The following FAM83H variants were observed in gnomAD, a reference collection of about 807,000 sequenced individuals.
FAM83H encodes the protein protein FAM83H.
Under a neutral mutation model 30.2 loss-of-function variants are expected in FAM83H, and 24 were observed. That is an observed-to-expected ratio of 0.79 (90% CI 0.57 to 1.12). The LOEUF (loss-of-function observed/expected upper bound fraction) is 1.12, where lower values mean the gene tolerates loss of function less well. FAM83H is among the 50% of genes most tolerant of loss of function. FAM83H has a pLI of 0.00. For synonymous variants in FAM83H, 1,013 were observed against 821.7 expected (o/e 1.23, Z -3.98); for missense variants, 2,038 against 1,773.9 (o/e 1.15, Z -2.67).
In FAM83H at chr8:143,728,605, G is replaced by T. The variant is rs782319680; in HGVS notation, c.856C>A (p.Pro286Thr). The change falls in exon 5 of 5, where the codon CCC becomes ACC. Residue 286 changes from proline (P) to threonine (T), a missense_variant. Transcript: ENST00000388913. The stretch of plus-strand genomic sequence containing the variant: ...ATGCGGGCCAGGGCCGCGGCCGAGG[G>T]CACAAGCGGCTCGGACTGCGCGAAG... ...ILFAQSEPLV[P>T]SAAALARMDA... 5 of 1,609,744 alleles carry T rather than the reference G, an allele frequency of 3.1e-6. No individual in the cohort carries two copies. The highest frequency in any genetic ancestry group is 4.2e-6 in the Non-Finnish European group (5 of 1,179,226).
Position 143,726,081 on chromosome 8 carries a change from C to T in FAM83H, c.3380G>A (p.Arg1127His), listed in dbSNP as rs781873197. The change falls in exon 5 of 5, where the codon CGC (arginine) becomes CAC (histidine). Residue 1127 changes from arginine to histidine, a missense_variant. Transcript: ENST00000388913. ...GCGGCTGTACACGCGCTTCTCCTTG[C>T]GCATGCTCTCCATGCGGCGCAGCAG... ...DRLLRRMESM[R>H]KEKRVYSRFE... 14 of 1,611,810 alleles carry T rather than the reference C, an allele frequency of 8.7e-6. No individual in the cohort carries two copies. The highest frequency in any genetic ancestry group is 1.2e-5 in the Non-Finnish European group (14 of 1,179,604).
chr8:143,726,385 C>G lies in FAM83H; in HGVS notation c.3076G>C (p.Ala1026Pro), dbSNP rs1185119858. Residue 1026 changes from alanine (A) to proline (P), a missense_variant, in exon 5 of 5, where the codon GCC becomes CCC. Transcript: ENST00000388913. The stretch of plus-strand genomic sequence containing the variant: ...CTGCTGTACAAGGCGTTGGCCGTGG[C>G]TGAGGACAGGCGCGCCCGCGGACCC... The part of the protein sequence containing the change: ...ERGPRARLSS[A>P]TANALYSSNL... 15 of 1,609,838 alleles carry G rather than the reference C, an allele frequency of 9.3e-6. No homozygotes were observed. Among genetic ancestry groups the G allele is most frequent in the East Asian group, 6.7e-5 (3 of 44,816 alleles).
At chr8:143,728,923 G>A in intron 4 of FAM83H, 44 bp downstream of exon 4, 2 of 1,612,608 alleles carry the variant, frequency 1.2e-6, no homozygotes, top group Non-Finnish European at 1.7e-6. Flanking sequence ...GGGGTTACAG[G>A]AGGAGGCCCC....
chr8:143,731,858 A>G (rs1818533948), intron 1 of FAM83H: 1 of 985,234 alleles, frequency 1.0e-6, no homozygotes, highest in African/African-American at 1.7e-5. Flanking sequence ...CTCTCCAGAA[A>G]GGTGTCAGAT....
rs1554621387 is a variant in FAM83H at position 143,725,803 on chromosome 8, G to A, written c.*118C>T. The A allele has an allele frequency of 5.3e-6, 8 of 1,521,542 alleles. No homozygotes were observed. The highest frequency in any genetic ancestry group is 1.4e-5 in the African/African-American group (1 of 72,200). 94.3% of individuals were successfully genotyped at this position (1,521,542 alleles called of 1,614,324 possible). A position where few individuals can be genotyped will look rare whatever the true frequency, so the allele number is the denominator to read the frequency against. On this transcript the variant is annotated 3_prime_UTR_variant, in exon 5 of 5. Transcript: ENST00000388913. ...TGGCGCACTCAGCCAAGCCCCAAGC[G>A]GCCGTGGCCTGACAGCCGCTGCTCA...
chr8:143,731,860 G>T, intron 1 of FAM83H: 1 of 985,226 alleles, frequency 1.0e-6, no homozygotes, highest in Non-Finnish European at 1.2e-6. Flanking sequence ...CTCCAGAAAG[G>T]TGTCAGATGG....
At position 143,727,531 on chromosome 8, in the gene FAM83H, C is replaced by G; in HGVS notation, c.1930G>C (p.Gly644Arg). 1.3e-6 allele frequency: 2 copies of G among 1,584,088 alleles called. No homozygotes were observed. Among genetic ancestry groups the G allele is most frequent in the Non-Finnish European group, 1.7e-6 (2 of 1,172,470 alleles). Residue 644 changes from glycine to arginine, a missense_variant, in exon 5 of 5, where the codon GGC becomes CGC. Coordinates refer to ENST00000388913, the MANE Select transcript of FAM83H (RefSeq NM_198488.5). ...GGGCCGTTGCCGCCGCTGCCCGGGC[C>G]TGGCACCGGGACCTTGGTGGGGAAG... ...AAFPTKVPVPGPGSGGNGPER... is the reference protein window; with the variant it reads ...AAFPTKVPVPRPGSGGNGPER...
chr8:143,729,742 TG>T (rs1404446829), intron 2 of FAM83H, among the ~76,000 whole-genome samples: 2 of 152,266 alleles, frequency 1.3e-5, no homozygotes, highest in Non-Finnish European at 2.9e-5. Context: ...CTTTAGCGTC[TG>T]GACCTCATGC....
chr8:143,725,169 G>C lies in FAM83H; in HGVS notation c.*752C>G, dbSNP rs1231271751. ...GGAGGGGGGAGACGGGGGGGGGGGG[G>C]GGGGAGGGAAGGAGGAGACCTTGAG... On this transcript the variant is annotated 3_prime_UTR_variant, in exon 5 of 5. Coordinates refer to ENST00000388913, the MANE Select transcript of FAM83H (RefSeq NM_198488.5). 3 of 132,616 alleles carry C rather than the reference G, an allele frequency of 2.3e-5. No individual in the cohort carries two copies. Among genetic ancestry groups the C allele is most frequent in the African/African-American group, 5.5e-5 (2 of 36,316 alleles). 8.2% of individuals were successfully genotyped at this position (132,616 alleles called of 1,614,324 possible). A position where few individuals can be genotyped will look rare whatever the true frequency, so the allele number is the denominator to read the frequency against.
At chr8:143,730,774 C>T (rs1416629150) in intron 1 of FAM83H, among the ~76,000 whole-genome samples, 177 bp from the exon 2 acceptor site, 1 of 152,124 alleles carries the variant, frequency 6.6e-6, no homozygotes, top group African/African-American at 2.4e-5. Flanking sequence ...GCAACCCAGA[C>T]CCTAGGATGC....
intron 1 of FAM83H, chr8:143,732,433 G>T: frequency 1.0e-6 from 1 of 985,408 alleles, no homozygotes; most frequent in Non-Finnish European, 1.2e-6. Flanking sequence ...TGTAGGGGCG[G>T]TGTCTGACCA....
rs1818478603 is a variant in FAM83H, at chr8:143,730,482, G to A, written c.101C>T (p.Ala34Val). The A allele has an allele frequency of 1.2e-6, 2 of 1,608,462 alleles. No individual in the cohort carries two copies. The part of the protein sequence containing the change: ...YKEYYRLAVD[A>V]LAEGGSEAYS... Reference sequence around the variant, plus strand: ...GGCCTCCGAGCCACCCTCGGCCAGTGCATCCACCGCCAGGCGGTAGTACTC... The same window carrying A: ...GGCCTCCGAGCCACCCTCGGCCAGTACATCCACCGCCAGGCGGTAGTACTC... Residue 34 changes from alanine (A) to valine (V), a missense_variant, in exon 2 of 5, where the codon GCA becomes GTA. Physicochemically the swap from Ala to Val is moderately conservative, Grantham distance 64. Coordinates refer to ENST00000388913, the MANE Select transcript of FAM83H (RefSeq NM_198488.5).
In FAM83H at chr8:143,728,188, C is replaced by A. The variant is rs1786216447; in HGVS notation, c.1273G>T (p.Ala425Ser). The A allele has an allele frequency of 6.2e-7, 1 of 1,605,086 alleles. No homozygotes were observed. Among genetic ancestry groups the A allele is most frequent in the African/African-American group, 1.3e-5 (1 of 74,732 alleles). Residue 425 changes from alanine (A) to serine (S), a missense_variant, in exon 5 of 5, where the codon GCC becomes TCC. Ala to Ser is a moderately conservative substitution (Grantham distance 99). Coordinates refer to ENST00000388913, the MANE Select transcript of FAM83H (RefSeq NM_198488.5). The stretch of plus-strand genomic sequence containing the variant: ...GTCTGCCGCGACACCTGCCGCGCGG[C>A]CGCGAAGTTCTCCACGGCGCCCGCG... The part of the protein sequence containing the change: ...EGAGAVENFA[A>S]ARQVSRQTFL...
At position 143,729,180 on chromosome 8, in the gene FAM83H, A is replaced by G; in HGVS notation, c.591T>C (p.Arg197=). Residue 197 remains arginine, a synonymous_variant, in exon 3 of 5, where the codon CGT becomes CGC. Transcript: ENST00000388913. Reference sequence around the variant, plus strand: ...TCACATCCACGTGCTGCAGGTTGACACGGCACTTGTCGGCCATGTCCAGGA... The same window carrying G: ...TCACATCCACGTGCTGCAGGTTGACGCGGCACTTGTCGGCCATGTCCAGGA... ...QHFLDMADKC[R]VNLQHVDFLR... is the part of the protein sequence containing the mutation. 1 of 1,613,686 alleles carries G rather than the reference A, an allele frequency of 6.2e-7. No homozygotes were observed. The highest frequency in any genetic ancestry group is 8.5e-7 in the Non-Finnish European group (1 of 1,180,008).
rs529196196 is a variant in FAM83H, at chr8:143,728,421, T to C, written c.1040A>G (p.Asp347Gly). 2.6e-6 allele frequency: 4 copies of C among 1,548,042 alleles called. No homozygotes were observed. Among genetic ancestry groups the C allele is most frequent in the African/African-American group, 1.4e-5 (1 of 72,892 alleles). Residue 347 changes from aspartate to glycine, a missense_variant, in exon 5 of 5, where the codon GAC becomes GGC. Physicochemically the swap from Asp to Gly is moderately conservative, Grantham distance 94 (BLOSUM62 -1). Coordinates refer to ENST00000388913, the MANE Select transcript of FAM83H (RefSeq NM_198488.5). Reference sequence around the variant, plus strand: ...GCGGAAGGCCGACAGGAAGTGGCGGTCCGGGTCGAGGAAGGAGGGGAAGCC... The same window carrying C: ...GCGGAAGGCCGACAGGAAGTGGCGGCCCGGGTCGAGGAAGGAGGGGAAGCC... ...GLGFPSFLDP[D>G]RHFLSAFRRE...
At position 143,727,676 on chromosome 8, in the gene FAM83H, C is replaced by T; in HGVS notation, c.1785G>A (p.Gly595=). The change falls in exon 5 of 5, where the codon GGG becomes GGA. Residue 595 remains glycine, a synonymous_variant. Transcript: ENST00000388913. ...TGGGCGCCGGTAGGCCGTCGTCGCCCCCATCCTCGCCGTGGCAGCCGCTCA... is the reference window on the plus strand; with the variant it reads ...TGGGCGCCGGTAGGCCGTCGTCGCCTCCATCCTCGCCGTGGCAGCCGCTCA... The part of the protein sequence containing the change: ...SYLSGCHGED[G]GDDGLPAPME... The T allele has an allele frequency of 6.4e-7, 1 of 1,567,552 alleles. No homozygotes were observed. The highest frequency in any genetic ancestry group is 8.6e-7 in the Non-Finnish European group (1 of 1,164,568).
chr8:143,728,341 G>A lies in FAM83H; in HGVS notation c.1120C>T (p.Arg374Trp), dbSNP rs782062829. Reference sequence around the variant, plus strand: ...GCCTCCAGGCGCCGCGAGAGCGGCCGCAGCCCCGCGTGCGGTTCCAGCGCG... The same window carrying A: ...GCCTCCAGGCGCCGCGAGAGCGGCCACAGCCCCGCGTGCGGTTCCAGCGCG... ...GGALEPHAGL[R>W]PLSRRLEAEA... The change falls in exon 5 of 5, where the codon CGG becomes TGG. Residue 374 changes from arginine (R) to tryptophan (W), a missense_variant. By Grantham distance (101) the Arg-to-Trp change is moderately radical. Transcript: ENST00000388913. The A allele has an allele frequency of 2.1e-5, 31 of 1,499,884 alleles. No individual in the cohort carries two copies. The South Asian group carries it at 3.6e-4, about 17-fold the overall frequency. The allele number at this position is 1,499,884 out of a possible 1,614,324, so 92.9% of individuals were successfully genotyped here.
rs782138987 is a variant in FAM83H, at chr8:143,729,253, C to A, written c.518G>T (p.Arg173Leu). ...CAGCAGGATGTAGACTGGGACCCGACGGGCCGCGGCCTCCAGCACTTCGCT... is the reference window on the plus strand; with the variant it reads ...CAGCAGGATGTAGACTGGGACCCGAAGGGCCGCGGCCTCCAGCACTTCGCT... ...LLSEVLEAAA[R>L]RVPVYILLDE... Residue 173 changes from arginine to leucine, a missense_variant, in exon 3 of 5, where the codon CGT (arginine) becomes CTT (leucine). By Grantham distance (102) the Arg-to-Leu change is moderately radical. Transcript: ENST00000388913. The A allele has an allele frequency of 1.9e-6, 3 of 1,613,012 alleles. No individual in the cohort carries two copies. In the African/African-American group the frequency reaches 4.0e-5, roughly 22 times the overall value.
chr8:143,730,857 G>A (rs902912892), intron 1 of FAM83H, among the ~76,000 whole-genome samples: 3 of 152,204 alleles, frequency 2.0e-5, no homozygotes, highest in Admixed American at 6.5e-5. Context: ...TCTCTGGGAG[G>A]CTGAGGCAGG....
Sources: gnomAD v4.1 joint callset for allele counts (sites outside exome capture counted in the v4.1 genomes callset) on GRCh38, gnomAD v4.1.1 for gene constraint, MANE v1.5 for transcripts, NCBI Gene and HGNC (gene_info 2026-07-23, HGNC 2026-07-21) for gene names.